Variants in ARHGEF3 observed in about 807,000 individuals in gnomAD.
ARHGEF3 encodes 59.8 kDA protein.
In ARHGEF3, 28 loss-of-function variants were observed where a neutral mutation model predicts 63.2. The observed-to-expected ratio is 0.44, with a 90% CI of 0.33 to 0.61. The LOEUF (loss-of-function observed/expected upper bound fraction) is 0.61. Ranked by LOEUF, ARHGEF3 falls within the 20% of genes least tolerant of loss-of-function variation. ARHGEF3 has a pLI of 0.03. For synonymous variants in ARHGEF3, 266 were observed against 254.2 expected (o/e 1.05, Z -0.44); for missense variants, 533 against 659.3 (o/e 0.81, Z 2.10).
rs1700261984 is a variant in ARHGEF3 at position 56,961,141 on chromosome 3, T to C, written c.63-2252A>G. Among the ~76,000 whole-genome samples, 3 of 149,230 alleles carry C rather than the reference T, an allele frequency of 2.0e-5. No individual in the cohort carries two copies. The South Asian group carries it at 6.3e-4, about 32-fold the overall frequency. On this transcript the variant is annotated intron_variant, in intron 2 of 12. Transcript: ENST00000338458. ...ACAATAATCTTATAAGGTAGCTTAT[T>C]ATGTTATAATGTAAATACATGACAT...
At chr3:56,773,671 G>A (rs753485380) in intron 2 of ARHGEF3, 38 bp downstream of exon 2, 2 of 1,507,906 alleles carry the variant, frequency 1.3e-6, no homozygotes, top group South Asian at 2.6e-5. Flanking sequence ...CGTACACCAT[G>A]ATTTTCTGCA....
rs918906636 is a variant in ARHGEF3 at position 56,942,970 on chromosome 3, C to A, written c.129+15853G>T. Among the ~76,000 whole-genome samples the A allele has an allele frequency of 2.0e-5, 3 of 152,178 alleles. No individual in the cohort carries two copies. The East Asian group carries it at 5.8e-4, about 29-fold the overall frequency. On this transcript the variant is annotated intron_variant, in intron 3 of 12. Coordinates refer to the ARHGEF3 transcript ENST00000338458. ...ATGCAGAAGAAAAGTTTGAAGCTAA[C>A]AGAGGTTGGTTAGTTCATGAGGTTT...
intron 3 of ARHGEF3, among the ~76,000 whole-genome samples, chr3:56,945,991 C>T (rs1205758157): frequency 6.6e-6 from 1 of 152,180 alleles, no homozygotes; most frequent in African/African-American, 2.4e-5. Context: ...GTTCTGCAGC[C>T]TCCATTGCTG....
chr3:57,049,657 A>C (rs1375386335), intron 1 of ARHGEF3, among the ~76,000 whole-genome samples: 1 of 152,206 alleles, frequency 6.6e-6, no homozygotes, highest in Non-Finnish European at 1.5e-5. Context: ...TTGGAGTTCC[A>C]AGGGGCTCAG....
At chr3:56,846,142 C>T (rs941983216) in intron 4 of ARHGEF3, among the ~76,000 whole-genome samples, 2 of 152,204 alleles carry the variant, frequency 1.3e-5, no homozygotes, top group African/African-American at 2.4e-5. Flanking sequence ...CATGTAATCT[C>T]CTTAACAGTT....
At chr3:56,973,835 A>C (rs1560099955) in intron 2 of ARHGEF3, among the ~76,000 whole-genome samples, 1 of 152,194 alleles carries the variant, frequency 6.6e-6, no homozygotes, top group Non-Finnish European at 1.5e-5. Context: ...ACAAATTGAC[A>C]GAGAGCTTAG....
chr3:56,953,126 T>A (rs370265844), intron 3 of ARHGEF3, among the ~76,000 whole-genome samples: 4 of 152,280 alleles, frequency 2.6e-5, no homozygotes, highest in African/African-American at 7.2e-5. Context: ...CAAAAGTAAA[T>A]GCACAAACTG....
At chr3:57,076,730 TA>T (rs1201051002) in intron 1 of ARHGEF3, 1 of 152,208 alleles carries the variant, frequency 6.6e-6, no homozygotes, top group African/African-American at 2.4e-5. Context: ...TGCATTTCAC[TA>T]CTCTCTAGAC....
At chr3:56,837,864 C>T (rs531682493) in intron 4 of ARHGEF3, among the ~76,000 whole-genome samples, 10 of 152,260 alleles carry the variant, frequency 6.6e-5, no homozygotes, top group East Asian at 5.8e-4. Flanking sequence ...CATGCTAGAA[C>T]GGCAGGATTA....
chr3:56,984,260 T>C (rs573362556), intron 2 of ARHGEF3, among the ~76,000 whole-genome samples: 49 of 152,336 alleles, frequency 3.2e-4, no homozygotes, highest in Non-Finnish European at 5.1e-4. Context: ...TGTGTTTACT[T>C]ACACACTGGT....
chr3:56,730,442 A>G (rs546126430), intron 9 of ARHGEF3, among the ~76,000 whole-genome samples: 4 of 150,462 alleles, frequency 2.7e-5, no homozygotes, highest in Non-Finnish European at 5.9e-5. Flanking sequence ...CAGTGACACA[A>G]TCTCCGCTCA....
chr3:56,954,289 T>G (rs761743740), intron 3 of ARHGEF3, among the ~76,000 whole-genome samples: 11 of 152,120 alleles, frequency 7.2e-5, no homozygotes, highest in Admixed American at 2.6e-4. Context: ...CTAGGGTGTG[T>G]GTCTTCCTTG....
intron 4 of ARHGEF3, 36 bp from the exon 5 acceptor site, chr3:56,751,432 T>C (rs1186131231): frequency 6.4e-7 from 1 of 1,551,138 alleles, no homozygotes; most frequent in East Asian, 2.3e-5. Context: ...AGCACATGTT[T>C]AAAATCAGAG....
intron 2 of ARHGEF3, among the ~76,000 whole-genome samples, chr3:56,974,529 G>C (rs560485391): frequency 6.6e-6 from 1 of 152,140 alleles, no homozygotes; most frequent in Non-Finnish European, 1.5e-5. Flanking sequence ...CATTTTTGAA[G>C]GGATGTTTTG....
intron 3 of ARHGEF3, among the ~76,000 whole-genome samples, chr3:56,921,154 C>T (rs1019508831): frequency 2.0e-5 from 3 of 149,518 alleles, no homozygotes; most frequent in Admixed American, 1.3e-4. Context: ...GGCTTGAGCC[C>T]GGGAGTTCAA....
intron 2 of ARHGEF3, among the ~76,000 whole-genome samples, chr3:56,762,722 T>C (rs1223730947): frequency 6.6e-6 from 1 of 152,196 alleles, no homozygotes; most frequent in Non-Finnish European, 1.5e-5. Context: ...TTGTAGCAGA[T>C]GGTTTATTAT....
intron 4 of ARHGEF3, among the ~76,000 whole-genome samples, chr3:56,752,867 TA>T (rs113129798): frequency 3.4e-4 from 52 of 152,278 alleles, no homozygotes; most frequent in African/African-American, 1.2e-3. Context: ...TAAAAACCCT[TA>T]AAAGAAGGGA....
At chr3:56,777,899 T>A (rs558269094) in intron 1 of ARHGEF3, among the ~76,000 whole-genome samples, 1 of 152,158 alleles carries the variant, frequency 6.6e-6, no homozygotes, top group African/African-American at 2.4e-5. Flanking sequence ...GAGGTGAGAA[T>A]TGATTGTGCT....
At chr3:56,737,379 A>G (rs745772418) in intron 7 of ARHGEF3, 24 bp from the exon 8 acceptor site, 1 of 1,590,810 alleles carries the variant, frequency 6.3e-7, no homozygotes, top group Non-Finnish European at 8.6e-7. Flanking sequence ...GAGGAAAATT[A>G]AGTATGGAGG....
Sources: gnomAD v4.1 joint callset for allele counts (sites outside exome capture counted in the v4.1 genomes callset) on GRCh38, gnomAD v4.1.1 for gene constraint, MANE v1.5 for transcripts, NCBI Gene and HGNC (gene_info 2026-07-23, HGNC 2026-07-21) for gene names.